Variants in VWDE observed in about 807,000 individuals in gnomAD.
VWDE encodes the protein von Willebrand factor D and EGF domains.
In VWDE, 207 loss-of-function variants were observed where a neutral mutation model predicts 178.4. The observed-to-expected ratio is 1.16, with a 90% CI of 1.04 to 1.30. The LOEUF is 1.30. Among genes scored for constraint, VWDE ranks in the 50% most tolerant of loss-of-function variants. VWDE has a pLI of 0.00. For missense variants in VWDE, 2,287 were observed against 1,901.3 expected (o/e 1.20, Z -3.77); for synonymous variants, 738 against 651.4 (o/e 1.13, Z -2.02).
rs1429476602 is a variant in VWDE, at chr7:12,389,813, AGAAG to A, written c.244-459_244-456del. Among the ~76,000 whole-genome samples, 5 of 152,328 alleles carry A rather than the reference AGAAG, an allele frequency of 3.3e-5. No homozygotes were observed. The East Asian group carries it at 9.7e-4, about 29-fold the overall frequency. On this transcript the variant is annotated intron_variant, in intron 2 of 28. Transcript: ENST00000275358. ...AGTTCAGGAGGCAATAAAATCGGGG[AGAAG>A]GAAGGTATTGTTCAAAATCTGGTGA...
At chr7:12,374,819 TA>T in intron 8 of VWDE, 57 bp from the exon 9 acceptor site, 3 of 1,228,590 alleles carry the variant, frequency 2.4e-6, no homozygotes, top group Non-Finnish European at 3.4e-6. Flanking sequence ...TAGTGATATA[TA>T]AAAAATTGCT....
intron 19 of VWDE, among the ~76,000 whole-genome samples, chr7:12,346,499 G>A (rs1177820760): frequency 6.6e-6 from 1 of 151,876 alleles, no homozygotes; most frequent in South Asian, 2.1e-4. Flanking sequence ...TATTTTATAT[G>A]AGAGGCAAAG....
chr7:12,343,364 T>C (rs374301222), intron 21 of VWDE, among the ~76,000 whole-genome samples, 186 bp from the exon 22 acceptor site: 41 of 152,242 alleles, frequency 2.7e-4, no homozygotes, highest in African/African-American at 9.6e-4. Context: ...CACTTACAAA[T>C]CAACAGCATG....
chr7:12,343,335 T>C (rs949056004), intron 21 of VWDE, among the ~76,000 whole-genome samples, 157 bp from the exon 22 acceptor site: 3 of 152,240 alleles, frequency 2.0e-5, no homozygotes, highest in Non-Finnish European at 2.9e-5. Flanking sequence ...GGACTGACTA[T>C]ATTAATTCAC....
chr7:12,387,729 T>C (rs754178160), intron 3 of VWDE, among the ~76,000 whole-genome samples: 1 of 152,138 alleles, frequency 6.6e-6, no homozygotes, highest in East Asian at 1.9e-4. Flanking sequence ...ACCTCAGTAA[T>C]AAAATGTTCA....
rs1489604938 is a variant in VWDE at position 12,337,223 on chromosome 7, A to G, written c.4416T>C (p.Asn1472=). ...CKNGGHCMRN[N]VCVCREGYTG... ...TGTATCCTTCACGACAGACGCACAC[A>G]TTATTTCTCATGCAGTGGCCACCAT... is the stretch of plus-strand genomic sequence containing the variant. The change falls in exon 25 of 29, where the codon AAT becomes AAC. Residue 1472 remains asparagine, a synonymous_variant. Coordinates refer to ENST00000275358, the MANE Select transcript of VWDE (RefSeq NM_001135924.3). 1 of 1,552,026 alleles carries G rather than the reference A, an allele frequency of 6.4e-7. No homozygotes were observed. Among genetic ancestry groups the G allele is most frequent in the East Asian group, 2.4e-5 (1 of 40,920 alleles).
intron 13 of VWDE, among the ~76,000 whole-genome samples, chr7:12,362,431 T>G (rs1161392590): frequency 1.3e-5 from 2 of 152,116 alleles, no homozygotes; most frequent in Non-Finnish European, 2.9e-5. Context: ...TTCACTCTAC[T>G]TAATAACTCA....
chr7:12,348,188 C>CAAAAGCAATGG (rs1411398420), intron 19 of VWDE, among the ~76,000 whole-genome samples: 2 of 101,672 alleles, frequency 2.0e-5, no homozygotes, highest in Non-Finnish European at 3.7e-5. Flanking sequence ...TCTAAAACAC[C>CAAAAGCAATGG]AAAAGCAATG....
At chr7:12,358,074 A>G (rs1394779673) in intron 16 of VWDE, among the ~76,000 whole-genome samples, 2 of 152,048 alleles carry the variant, frequency 1.3e-5, no homozygotes, top group African/African-American at 4.8e-5. Flanking sequence ...GAGTGCACAC[A>G]CTAAAAAAGA....
chr7:12,346,382 A>G (rs1023143641), intron 19 of VWDE, among the ~76,000 whole-genome samples: 6 of 152,124 alleles, frequency 3.9e-5, no homozygotes, highest in Non-Finnish European at 5.9e-5. Context: ...TACAAGAGTG[A>G]TAAATATAAA....
intron 2 of VWDE, 106 bp from the exon 3 acceptor site, chr7:12,389,464 T>C: frequency 1.2e-6 from 1 of 818,540 alleles, no homozygotes. Context: ...ATATCATTAA[T>C]CATTAAAAAA....
chr7:12,401,504 T>C (rs1405315668), intron 1 of VWDE, among the ~76,000 whole-genome samples: 1 of 152,176 alleles, frequency 6.6e-6, no homozygotes, highest in Non-Finnish European at 1.5e-5. Flanking sequence ...AGTATTTCTC[T>C]GAAGAGAATA....
At chr7:12,337,973 T>A (rs1388432741) in intron 24 of VWDE, among the ~76,000 whole-genome samples, 2 of 152,156 alleles carry the variant, frequency 1.3e-5, no homozygotes, top group African/African-American at 4.8e-5. Flanking sequence ...TTTTAAGTAA[T>A]ACACAGGCAA....
chr7:12,386,588 T>C (rs1366470501), intron 3 of VWDE, among the ~76,000 whole-genome samples: 2 of 152,240 alleles, frequency 1.3e-5, no homozygotes, highest in East Asian at 3.8e-4. Context: ...ATACTCTTAT[T>C]GCCTTAGGGC....
chr7:12,383,733 A>G (rs1405985172), intron 3 of VWDE, 132 bp from the exon 4 acceptor site: 4 of 759,274 alleles, frequency 5.3e-6, no homozygotes, highest in Non-Finnish European at 6.1e-6. Context: ...CTCTTATTTC[A>G]TAACATTTTT....
At chr7:12,336,565 G>GA (rs927101190) in intron 26 of VWDE, among the ~76,000 whole-genome samples, 3 of 152,056 alleles carry the variant, frequency 2.0e-5, no homozygotes, top group Admixed American at 6.5e-5. Flanking sequence ...TTATAGAAAG[G>GA]AAAAAAATGA....
At chr7:12,349,991 A>G (rs1781840658) in intron 19 of VWDE, among the ~76,000 whole-genome samples, 1 of 152,094 alleles carries the variant, frequency 6.6e-6, no homozygotes, top group South Asian at 2.1e-4. Context: ...ATGGAAATAG[A>G]AAAACAATCT....
At chr7:12,342,742 T>C (rs1291371810) in intron 22 of VWDE, among the ~76,000 whole-genome samples, 1 of 151,904 alleles carries the variant, frequency 6.6e-6, no homozygotes, top group African/African-American at 2.4e-5. Context: ...GCAGGTTAGT[T>C]ACATATGTAT....
intron 27 of VWDE, 125 bp from the exon 28 acceptor site, chr7:12,333,693 A>C (rs745877059): frequency 1.1e-5 from 7 of 649,676 alleles, no homozygotes; most frequent in African/African-American, 1.8e-5. Context: ...TCTATTAATG[A>C]ACCATCAATG....
Sources: gnomAD v4.1 joint callset for allele counts (sites outside exome capture counted in the v4.1 genomes callset) on GRCh38, gnomAD v4.1.1 for gene constraint, MANE v1.5 for transcripts, NCBI Gene and HGNC (gene_info 2026-07-23, HGNC 2026-07-21) for gene names.